Variants in SRGAP3 observed in about 807,000 individuals in gnomAD.
SRGAP3 encodes SLIT-ROBO Rho GTPase activating protein 3.
A neutral mutation model predicts 121.1 loss-of-function variants in SRGAP3; 39 were observed. The ratio of observed to expected loss-of-function variants is 0.32; its 90% CI spans 0.25 to 0.42. SRGAP3 has a LOEUF of 0.42. SRGAP3 is among the 10% of genes least tolerant of loss of function. SRGAP3 has a pLI of 1.00. For synonymous variants in SRGAP3, 601 were observed against 570.0 expected, an observed-to-expected ratio of 1.05 and a Z score of -0.77; for missense variants, 1,213 against 1,470.6, an observed-to-expected ratio of 0.82 and a Z score of 2.86.
intron 3 of SRGAP3, among the ~76,000 whole-genome samples, chr3:9,310,941 G>T (rs2050145908): frequency 6.6e-6 from 1 of 152,058 alleles, no homozygotes. Flanking sequence ...AGGCTGAGGT[G>T]GGCAGATCAC....
At chr3:9,138,281 C>T (rs945301657) in intron 1 of SRGAP3, among the ~76,000 whole-genome samples, 1 of 152,180 alleles carries the variant, frequency 6.6e-6, no homozygotes, top group Non-Finnish European at 1.5e-5. Flanking sequence ...ATAAATGGAA[C>T]CCCCCCCACA....
At chr3:9,266,597 C>T (rs902619254) in intron 3 of SRGAP3, among the ~76,000 whole-genome samples, 1 of 152,142 alleles carries the variant, frequency 6.6e-6, no homozygotes, top group African/African-American at 2.4e-5. Context: ...CGGCTCCACT[C>T]CCCACTCTCA....
intron 1 of SRGAP3, among the ~76,000 whole-genome samples, chr3:9,246,754 C>CA (rs1953840636): frequency 6.6e-6 from 1 of 152,156 alleles, no homozygotes; most frequent in East Asian, 1.9e-4. Flanking sequence ...GTTTCAGGGA[C>CA]AGCCATATCC....
In SRGAP3 at chr3:9,053,171, C is replaced by T; in HGVS notation, c.1179G>A (p.Val393=). The T allele has an allele frequency of 6.2e-7, 1 of 1,614,208 alleles. No individual in the cohort carries two copies. ...AGGCATCGGAGACATCAAAGTCCTC[C>T]ACAGTCAGCATGTCCTGTAATGTCT... is the stretch of plus-strand genomic sequence containing the variant. The part of the protein sequence containing the change: ...TMQTLQDMLT[V]EDFDVSDAFQ... The change falls in exon 9 of 22, where the codon GTG becomes GTA. Residue 393 remains valine, a synonymous_variant. Coordinates refer to ENST00000383836, the MANE Select transcript of SRGAP3 (RefSeq NM_014850.4).
At chr3:9,284,430 C>T (rs1414519773) in intron 3 of SRGAP3, among the ~76,000 whole-genome samples, 3 of 152,192 alleles carry the variant, frequency 2.0e-5, no homozygotes, top group Non-Finnish European at 4.4e-5. Context: ...TTGGTGTCAC[C>T]ACCTTGCTGT....
intron 3 of SRGAP3, 115 bp from the exon 4 acceptor site, chr3:9,080,202 G>C: frequency 1.1e-6 from 1 of 930,646 alleles, no homozygotes; most frequent in East Asian, 2.4e-5. Flanking sequence ...AAGGGGTACA[G>C]AAATCAGCAT....
chr3:9,322,461 G>A (rs1343231792), intron 3 of SRGAP3, among the ~76,000 whole-genome samples: 1 of 151,826 alleles, frequency 6.6e-6, no homozygotes, highest in Non-Finnish European at 1.5e-5. Context: ...CCGTGGACTG[G>A]TGCCAGTCCC....
chr3:9,265,767 G>C (rs1173420417), intron 3 of SRGAP3, among the ~76,000 whole-genome samples: 4 of 152,184 alleles, frequency 2.6e-5, no homozygotes, highest in Non-Finnish European at 5.9e-5. Flanking sequence ...CTTTTACACT[G>C]TTGGTGGGAG....
rs1955108782 is a variant in SRGAP3 at position 9,303,759 on chromosome 3, G to A, written n.442+22251C>T. Among the ~76,000 whole-genome samples, 5 of 152,278 alleles carry A rather than the reference G, an allele frequency of 3.3e-5. No homozygotes were observed. In the South Asian group the frequency reaches 1.0e-3, roughly 32 times the overall value. On this transcript the variant is annotated intron_variant and non_coding_transcript_variant, in intron 3 of 3. Coordinates refer to the SRGAP3 transcript ENST00000490889. ...AGTCTACAATAATAACATTTGGAAGGCGATTTACACTTGATAAACATTACT... is the reference window on the plus strand; with the variant it reads ...AGTCTACAATAATAACATTTGGAAGACGATTTACACTTGATAAACATTACT...
chr3:9,255,852 A>G (rs547418300), intron 3 of SRGAP3, among the ~76,000 whole-genome samples: 24 of 152,310 alleles, frequency 1.6e-4, no homozygotes, highest in Middle Eastern at 6.8e-3. Flanking sequence ...ATTTAGTATC[A>G]TGATCCTCAC....
chr3:9,057,228 T>C (rs1016949130), intron 7 of SRGAP3, among the ~76,000 whole-genome samples: 1 of 152,070 alleles, frequency 6.6e-6, no homozygotes, highest in Non-Finnish European at 1.5e-5. Context: ...GCCTTCCACC[T>C]TTCATGTGGG....
intron 3 of SRGAP3, among the ~76,000 whole-genome samples, chr3:9,260,015 T>C (rs975986804): frequency 6.6e-6 from 1 of 151,036 alleles, no homozygotes; most frequent in African/African-American, 2.4e-5. Flanking sequence ...AGAAGCAGGG[T>C]GGGGCGTCGC....
intron 5 of SRGAP3, among the ~76,000 whole-genome samples, chr3:9,063,469 T>G (rs943561452): frequency 6.6e-6 from 1 of 151,920 alleles, no homozygotes; most frequent in African/African-American, 2.4e-5. Context: ...CTCATACATG[T>G]TTTTTTAAGA....
intron 1 of SRGAP3, among the ~76,000 whole-genome samples, chr3:9,201,303 C>A (rs899332589): frequency 2.0e-5 from 3 of 152,204 alleles, no homozygotes; most frequent in African/African-American, 7.2e-5. Flanking sequence ...GCTCCTCCGA[C>A]ATCCACTGGC....
chr3:9,321,853 T>A (rs1462696489), intron 3 of SRGAP3, among the ~76,000 whole-genome samples: 2 of 151,310 alleles, frequency 1.3e-5, no homozygotes, highest in East Asian at 1.9e-4. Flanking sequence ...TCAGAAAAAA[T>A]TTTTGGGTAC....
intron 2 of SRGAP3, among the ~76,000 whole-genome samples, chr3:9,329,467 G>A (rs1955569566): frequency 6.6e-6 from 1 of 152,170 alleles, no homozygotes; most frequent in Admixed American, 6.5e-5. Context: ...ACTCTGCTTA[G>A]CACCCAATAT....
At chr3:9,007,669 C>T (rs1943149244) in intron 18 of SRGAP3, 1 of 152,138 alleles carries the variant, frequency 6.6e-6, no homozygotes, top group Non-Finnish European at 1.5e-5. Flanking sequence ...CTGTGCTAGG[C>T]TCCTTCACAT....
intron 3 of SRGAP3, among the ~76,000 whole-genome samples, chr3:9,323,653 G>A (rs1299682519): frequency 1.3e-5 from 2 of 151,762 alleles, no homozygotes; most frequent in African/African-American, 4.8e-5. Context: ...ACTTAACAAT[G>A]CAGTCTCTGT....
At chr3:9,001,215 A>C (rs961438169) in intron 18 of SRGAP3, among the ~76,000 whole-genome samples, 1 of 152,176 alleles carries the variant, frequency 6.6e-6, no homozygotes, top group Admixed American at 6.5e-5. Flanking sequence ...TATGTTCCAA[A>C]ATAGCTGGAA....
Sources: allele counts gnomAD v4.1 joint callset (sites outside exome capture counted in the v4.1 genomes callset), GRCh38; gene constraint gnomAD v4.1.1; transcripts MANE v1.5; gene names NCBI Gene and HGNC (gene_info 2026-07-23, HGNC 2026-07-21).